The following ITPRID1 variants were observed in gnomAD, a reference collection of about 807,000 sequenced individuals.
The protein encoded by ITPRID1 is protein ITPRID1.
A neutral mutation model predicts 95.4 loss-of-function variants in ITPRID1; 96 were observed. The observed-to-expected ratio is 1.01, with a 90% CI of 0.85 to 1.19. ITPRID1 has a LOEUF of 1.19. Ranked by LOEUF, ITPRID1 falls within the 50% of genes most tolerant of loss-of-function variation. The pLI is 0.00. For missense variants in ITPRID1, 1,339 were observed against 1,252.9 expected (o/e 1.07, Z -1.04); for synonymous variants, 510 against 453.6 (o/e 1.12, Z -1.58).
At chr7:31,585,758 T>C (rs1453885240) in intron 10 of ITPRID1, among the ~76,000 whole-genome samples, 1 of 152,254 alleles carries the variant, frequency 6.6e-6, no homozygotes, top group Non-Finnish European at 1.5e-5. Context: ...TTGTAAGATT[T>C]AGCAGTTCAA....
intron 12 of ITPRID1, among the ~76,000 whole-genome samples, chr7:31,645,826 G>A (rs1790416236): frequency 6.6e-6 from 1 of 152,138 alleles, no homozygotes; most frequent in Non-Finnish European, 1.5e-5. Flanking sequence ...CTAAAATACA[G>A]AGAACAGCCA....
At chr7:31,572,529 G>A (rs1785027240) in intron 7 of ITPRID1, among the ~76,000 whole-genome samples, 1 of 151,976 alleles carries the variant, frequency 6.6e-6, no homozygotes, top group African/African-American at 2.4e-5. Flanking sequence ...GATGCAGGAA[G>A]GTATATAGAG....
intron 10 of ITPRID1, among the ~76,000 whole-genome samples, chr7:31,610,627 C>T (rs1183529488): frequency 4.0e-5 from 6 of 151,490 alleles, no homozygotes. Context: ...ACTCTGTTTT[C>T]AGGTCTACAT....
At chr7:31,555,721 T>G (rs1423105796) in intron 5 of ITPRID1, among the ~76,000 whole-genome samples, 1 of 152,168 alleles carries the variant, frequency 6.6e-6, no homozygotes, top group African/African-American at 2.4e-5. Flanking sequence ...ATGAAAAAAT[T>G]ATTAGTCTAA....
intron 10 of ITPRID1, among the ~76,000 whole-genome samples, chr7:31,612,975 A>G (rs1214678048): frequency 3.3e-5 from 5 of 152,134 alleles, no homozygotes; most frequent in Non-Finnish European, 7.4e-5. Flanking sequence ...TTAAACATAC[A>G]CCCTGCTGGT....
chr7:31,639,766 G>T (rs1022070858), intron 10 of ITPRID1, among the ~76,000 whole-genome samples: 1 of 151,806 alleles, frequency 6.6e-6, no homozygotes, highest in African/African-American at 2.4e-5. Flanking sequence ...TTGAACTCCT[G>T]ACCTCGTGAT....
At chr7:31,613,070 A>G (rs531342118) in intron 10 of ITPRID1, among the ~76,000 whole-genome samples, 2 of 152,300 alleles carry the variant, frequency 1.3e-5, no homozygotes, top group South Asian at 2.1e-4. Flanking sequence ...GCTTCCAGAT[A>G]GGCCTAATAG....
intron 1 of ITPRID1, among the ~76,000 whole-genome samples, chr7:31,526,731 C>G (rs1007896273): frequency 2.0e-5 from 3 of 152,088 alleles, no homozygotes; most frequent in Admixed American, 2.0e-4. Context: ...TCCGTAAGAC[C>G]TGCAGTTTTT....
At chr7:31,617,288 T>C (rs1458751399) in intron 10 of ITPRID1, among the ~76,000 whole-genome samples, 1 of 147,340 alleles carries the variant, frequency 6.8e-6, no homozygotes. Context: ...GGATGATTAA[T>C]ATAAATGGGT....
In ITPRID1 at chr7:31,651,947, C is replaced by G; in HGVS notation, c.2720C>G (p.Ala907Gly). Reference protein sequence around the residue: ...RDMSEEEREEAEQLQTLREAL... With the variant: ...RDMSEEEREEGEQLQTLREAL... ...CTATTATTTACTTGCAGGGAGGAGG[C>G]CGAGCAACTGCAAACGTTACGTGAG... The change falls in exon 14 of 15, where the codon GCC (alanine) becomes GGC (glycine). Residue 907 changes from alanine to glycine, a missense_variant. Ala to Gly is a moderately conservative substitution (Grantham distance 60, BLOSUM62 0). Coordinates refer to ENST00000615280, the MANE Select transcript of ITPRID1 (RefSeq NM_001257967.3). The G allele has an allele frequency of 6.3e-7, 1 of 1,592,726 alleles. No individual in the cohort carries two copies. The highest frequency in any genetic ancestry group is 1.1e-5 in the South Asian group (1 of 87,134).
intron 12 of ITPRID1, among the ~76,000 whole-genome samples, chr7:31,644,274 C>T (rs1188822763): frequency 1.5e-5 from 2 of 133,460 alleles, no homozygotes; most frequent in Non-Finnish European, 3.3e-5. Flanking sequence ...TGTAACTCAT[C>T]TCCAGTTCTA....
chr7:31,604,482 C>G (rs1786531043), intron 10 of ITPRID1, among the ~76,000 whole-genome samples: 1 of 152,124 alleles, frequency 6.6e-6, no homozygotes, highest in Non-Finnish European at 1.5e-5. Context: ...GTTGGTAGAA[C>G]TAGATTTACA....
chr7:31,584,970 T>G (rs1785535498), intron 10 of ITPRID1, among the ~76,000 whole-genome samples: 1 of 152,234 alleles, frequency 6.6e-6, no homozygotes, highest in African/African-American at 2.4e-5. Flanking sequence ...CTTGGAACAT[T>G]CCCTCTGGGA....
intron 10 of ITPRID1, among the ~76,000 whole-genome samples, chr7:31,618,613 C>T (rs1013845468): frequency 6.6e-6 from 1 of 152,180 alleles, no homozygotes; most frequent in Non-Finnish European, 1.5e-5. Context: ...AAGCAAATTT[C>T]ATAAACTCCC....
intron 1 of ITPRID1, among the ~76,000 whole-genome samples, chr7:31,534,497 A>G (rs1296812670): frequency 6.6e-6 from 1 of 152,070 alleles, no homozygotes; most frequent in Non-Finnish European, 1.5e-5. Context: ...ACCTTTTGTT[A>G]TGATAACATT....
chr7:31,652,038 A>C lies in ITPRID1; in HGVS notation c.2811A>C (p.Glu937Asp), dbSNP rs771605045. ...QLGDRAQQIREGILLQLEVLT... is the reference protein window; with the variant it reads ...QLGDRAQQIRDGILLQLEVLT... ...GAGACCGGGCTCAGCAAATCAGAGA[A>C]GGGATTTTACTGGTATGGGTGATGG... The change falls in exon 14 of 15, where the codon GAA (glutamate) becomes GAC (aspartate). Residue 937 changes from glutamate (E) to aspartate (D), a missense_variant. By Grantham distance (45) the Glu-to-Asp change is conservative. Transcript: ENST00000615280. The C allele has an allele frequency of 5.0e-6, 8 of 1,598,546 alleles. No individual in the cohort carries two copies. The highest frequency in any genetic ancestry group is 6.8e-6 in the Non-Finnish European group (8 of 1,172,456).
rs72374972 is a variant in ITPRID1, at chr7:31,519,578, ATC to A, written c.-98+5500_-98+5501del. On this transcript the variant is annotated intron_variant, in intron 1 of 14. Transcript: ENST00000615280. The stretch of plus-strand genomic sequence containing the variant: ...ATGCATATATGGTTCTATTTCTGGT[ATC>A]TCTCTCTCTCTCTCTCTCTCTCTCT... Among the ~76,000 whole-genome samples, 287 of 37,418 alleles carry A rather than the reference ATC, an allele frequency of 7.7e-3. 5 individuals carry two copies. Among genetic ancestry groups the A allele is most frequent in the Admixed American group, 0.01 (24 of 2,304 alleles). 24.5% of individuals were successfully genotyped at this position (37,418 alleles called of 152,430 possible). A position where few individuals can be genotyped will look rare whatever the true frequency, so the allele number is the denominator to read the frequency against.
chr7:31,627,873 G>T (rs1261831637), intron 10 of ITPRID1, among the ~76,000 whole-genome samples: 1 of 152,124 alleles, frequency 6.6e-6, no homozygotes, highest in Non-Finnish European at 1.5e-5. Flanking sequence ...ATACTAAGTT[G>T]TCTGGTTATT....
At chr7:31,657,674 T>C (rs560899221), downstream of ITPRID1, among the ~76,000 whole-genome samples, 4 of 152,300 alleles carry the variant, frequency 2.6e-5, no homozygotes, top group East Asian at 1.9e-4. Context: ...CAAGATCCTG[T>C]ATTCCTTTTT....
Sources: allele counts gnomAD v4.1 joint callset (sites outside exome capture counted in the v4.1 genomes callset), GRCh38; gene constraint gnomAD v4.1.1; transcripts MANE v1.5; gene names NCBI Gene and HGNC (gene_info 2026-07-23, HGNC 2026-07-21).